CSNK1D: variants seen among roughly 807,000 people sequenced by gnomAD.
CSNK1D encodes the protein casein kinase 1 delta.
A neutral mutation model predicts 46.6 loss-of-function variants in CSNK1D; 16 were observed. That is an observed-to-expected ratio of 0.34 (90% CI 0.23 to 0.52). The LOEUF is 0.52. CSNK1D is among the 20% of genes least tolerant of loss of function. The pLI is 0.95. For missense variants in CSNK1D, 398 were observed against 578.4 expected, an observed-to-expected ratio of 0.69 and a Z score of 3.20; for synonymous variants, 276 against 228.2, an observed-to-expected ratio of 1.21 and a Z score of -1.89.
chr17:82,241,756 G>A (rs989322146), downstream of CSNK1D, among the ~76,000 whole-genome samples: 7 of 152,240 alleles, frequency 4.6e-5, no homozygotes, highest in Non-Finnish European at 8.8e-5. Context: ...GATGCCCAGG[G>A]CACAGCCAGA....
chr17:82,269,061 C>G (rs1249419429), intron 1 of CSNK1D, among the ~76,000 whole-genome samples: 1 of 147,766 alleles, frequency 6.8e-6, no homozygotes, highest in Non-Finnish European at 1.5e-5. Flanking sequence ...CGCGCCACTG[C>G]ACCCCAGCCT....
intron 1 of CSNK1D, among the ~76,000 whole-genome samples, chr17:82,271,723 C>T (rs748152805): frequency 1.3e-4 from 20 of 152,234 alleles, no homozygotes; most frequent in Admixed American, 7.8e-4. Context: ...TTCGTCCTAA[C>T]GCTGTCAGCC....
At chr17:82,245,237 G>C (rs958212112) in intron 8 of CSNK1D, 1 of 351,196 alleles carries the variant, frequency 2.8e-6, no homozygotes, top group Non-Finnish European at 5.5e-6. Context: ...AAACTGCAGC[G>C]GGTCTCCCAG....
Position 82,248,754 on chromosome 17 carries a change from T to G in CSNK1D, c.1197+121A>C. The G allele has an allele frequency of 2.6e-6, 4 of 1,518,156 alleles. No homozygotes were observed. Among genetic ancestry groups the G allele is most frequent in the Non-Finnish European group, 3.5e-6 (4 of 1,135,536 alleles). 94.0% of individuals were successfully genotyped at this position (1,518,156 alleles called of 1,614,324 possible). A position where few individuals can be genotyped will look rare whatever the true frequency, so the allele number is the denominator to read the frequency against. On this transcript the variant is annotated intron_variant, in intron 8 of 8. Transcript: ENST00000314028. The surrounding 1 kb of genome is among the most constrained non-coding windows in gnomAD (Gnocchi z 4.1). ...CCAAGACGCCACACCCTGGCGAGAT[T>G]AAAAACTCTCAAAAATGGGGGGAAG... is the stretch of plus-strand genomic sequence containing the variant.
At position 82,273,293 on chromosome 17, in the gene CSNK1D, G is replaced by C. The variant is rs961731104; in HGVS notation, c.76+13C>G. ...GGGTCTTCGGGCGGCGGGCGGGGGCGGCGGGGCCTCACCGAGATAGATGTC... is the reference window on the plus strand; with the variant it reads ...GGGTCTTCGGGCGGCGGGCGGGGGCCGCGGGGCCTCACCGAGATAGATGTC... On this transcript the variant is annotated intron_variant, in intron 1 of 8. Coordinates refer to ENST00000314028, the MANE Select transcript of CSNK1D (RefSeq NM_001893.6). This position sits in a 1 kb window ranked among gnomAD's most constrained non-coding sequence, Gnocchi z 5.1. 2.5e-6 allele frequency: 4 copies of C among 1,599,630 alleles called. No homozygotes were observed. In the Admixed American group the frequency reaches 5.0e-5, roughly 20 times the overall value.
rs1043634371 is a variant in CSNK1D at position 82,246,812 on chromosome 17, G to A, written c.1198-1981C>T. ...AGGAGCAGAAAGAACAGGGAAGAGC[G>A]ACGGCCCGAGGAGGAAGACTGGCCG... On this transcript the variant is annotated intron_variant, in intron 8 of 8. Coordinates refer to ENST00000314028, the MANE Select transcript of CSNK1D (RefSeq NM_001893.6). The A allele has an allele frequency of 5.4e-5, 53 of 986,738 alleles. No individual in the cohort carries two copies. In the African/African-American group the frequency reaches 7.7e-4, roughly 14 times the overall value. The allele number at this position is 986,738 out of a possible 1,614,324, so 61.1% of individuals were successfully genotyped here. A position where few individuals can be genotyped will look rare whatever the true frequency, so the allele number is the denominator to read the frequency against.
Position 82,273,476 on chromosome 17 carries a change from G to C in CSNK1D, c.-95C>G. 6.9e-7 allele frequency: 1 copy of C among 1,459,396 alleles called. No individual in the cohort carries two copies. Among genetic ancestry groups the C allele is most frequent in the Non-Finnish European group, 9.4e-7 (1 of 1,067,340 alleles). 90.4% of individuals were successfully genotyped at this position (1,459,396 alleles called of 1,614,324 possible). Reference sequence around the variant, plus strand: ...CGCTGCTGCCGCTACTGCGGGTCCGGCTCCCGGCTCCGCCCCCCTCACGGC... The same window carrying C: ...CGCTGCTGCCGCTACTGCGGGTCCGCCTCCCGGCTCCGCCCCCCTCACGGC... On this transcript the variant is annotated 5_prime_UTR_variant, in exon 1 of 9. Coordinates refer to ENST00000314028, the MANE Select transcript of CSNK1D (RefSeq NM_001893.6). This position sits in a 1 kb window ranked among gnomAD's most constrained non-coding sequence, Gnocchi z 5.1.
Position 82,249,885 on chromosome 17 carries a change from C to T in CSNK1D, c.886-283G>A. The T allele has an allele frequency of 1.4e-6, 2 of 1,388,316 alleles. No homozygotes were observed. Among genetic ancestry groups the T allele is most frequent in the Non-Finnish European group, 1.9e-6 (2 of 1,069,762 alleles). 86.0% of individuals were successfully genotyped at this position (1,388,316 alleles called of 1,614,324 possible). A position where few individuals can be genotyped will look rare whatever the true frequency, so the allele number is the denominator to read the frequency against. ...GAACTTCCTTAAACTTCCAAATGGG[C>T]AGCAGCTACCCCCTGCTGCTCTGTG... On this transcript the variant is annotated intron_variant, in intron 6 of 8. Coordinates refer to ENST00000314028, the MANE Select transcript of CSNK1D (RefSeq NM_001893.6). This position sits in a 1 kb window ranked among gnomAD's most constrained non-coding sequence, Gnocchi z 6.7.
rs2147170553 is a variant in CSNK1D at position 82,251,634 on chromosome 17, A to C, written c.737-107T>G. On this transcript the variant is annotated intron_variant, in intron 5 of 8. Coordinates refer to ENST00000314028, the MANE Select transcript of CSNK1D (RefSeq NM_001893.6). The surrounding 1 kb of genome is among the most constrained non-coding windows in gnomAD (Gnocchi z 4.5). ...CTGCTGCTGCACACTCAAGGGGAGA[A>C]GGACAGATGCAAAACACCTGTCAGA... 2.7e-6 allele frequency: 3 copies of C among 1,127,120 alleles called. No individual in the cohort carries two copies. Among genetic ancestry groups the C allele is most frequent in the South Asian group, 2.6e-5 (2 of 76,694 alleles). The allele number at this position is 1,127,120 out of a possible 1,614,324, so 69.8% of individuals were successfully genotyped here. A position where few individuals can be genotyped will look rare whatever the true frequency, so the allele number is the denominator to read the frequency against.
rs2050914196 is a variant in CSNK1D, at chr17:82,248,709, C to A, written c.1197+166G>T. On this transcript the variant is annotated intron_variant, in intron 8 of 8. Coordinates refer to ENST00000314028, the MANE Select transcript of CSNK1D (RefSeq NM_001893.6). The surrounding 1 kb of genome is among the most constrained non-coding windows in gnomAD (Gnocchi z 4.1). ...GGCCCAGCATGTCTCCCAGGCCCTC[C>A]CGAGAAGCCTCATCTGCAACCAAGA... is the stretch of plus-strand genomic sequence containing the variant. The A allele has an allele frequency of 6.9e-7, 1 of 1,453,590 alleles. No individual in the cohort carries two copies. The highest frequency in any genetic ancestry group is 1.4e-5 in the African/African-American group (1 of 70,502). 90.0% of individuals were successfully genotyped at this position (1,453,590 alleles called of 1,614,324 possible).
chr17:82,249,763 T>C lies in CSNK1D; in HGVS notation c.886-161A>G, dbSNP rs2050952632. 3.4e-6 allele frequency: 5 copies of C among 1,479,054 alleles called. No individual in the cohort carries two copies. In the Admixed American group the frequency reaches 1.1e-4, roughly 32 times the overall value. The allele number at this position is 1,479,054 out of a possible 1,614,324, so 91.6% of individuals were successfully genotyped here. A position where few individuals can be genotyped will look rare whatever the true frequency, so the allele number is the denominator to read the frequency against. On this transcript the variant is annotated intron_variant, in intron 6 of 8. Coordinates refer to ENST00000314028, the MANE Select transcript of CSNK1D (RefSeq NM_001893.6). This position sits in a 1 kb window ranked among gnomAD's most constrained non-coding sequence, Gnocchi z 6.7. ...AGGCTGCACGTTTCTCCTCATGGGA[T>C]GACAGCATCATCCCCACAAGGGGTC...
chr17:82,261,062 C>CA (rs1362903296), intron 2 of CSNK1D: 6 of 154,848 alleles, frequency 3.9e-5, no homozygotes, highest in Admixed American at 2.0e-4. Context: ...CCCTACCCCC[C>CA]AAATGTCTCA....
rs369956232 is a variant in CSNK1D, at chr17:82,258,199, C to T, written c.188-2622G>A. On this transcript the variant is annotated intron_variant, in intron 2 of 8. Transcript: ENST00000314028. ...TCCAGCCTGGGTGACAGAATGAGACCGTCTCAAAAAAAAAAAAAAAAAAAG... is the reference window on the plus strand; with the variant it reads ...TCCAGCCTGGGTGACAGAATGAGACTGTCTCAAAAAAAAAAAAAAAAAAAG... Among the ~76,000 whole-genome samples the T allele has an allele frequency of 3.8e-3, 501 of 131,108 alleles. 3 individuals are homozygous for T. The highest frequency in any genetic ancestry group is 0.013 in the African/African-American group (468 of 34,758). The allele number at this position is 131,108 out of a possible 152,430, so 86.0% of individuals were successfully genotyped here.
rs556428483 is a variant in CSNK1D, at chr17:82,242,976, G to A, written c.*1805C>T. On this transcript the variant is annotated 3_prime_UTR_variant, in exon 9 of 9. Coordinates refer to ENST00000314028, the MANE Select transcript of CSNK1D (RefSeq NM_001893.6). ...AGCTTGCGCCACTTCAGGCCACAGC[G>A]CGACGTCTCTCCGGGTGGGGGACGT... is the stretch of plus-strand genomic sequence containing the variant. 30 of 985,456 alleles carry A rather than the reference G, an allele frequency of 3.0e-5. No individual in the cohort carries two copies. The highest frequency in any genetic ancestry group is 5.2e-4 in the Middle Eastern group (1 of 1,914). 61.0% of individuals were successfully genotyped at this position (985,456 alleles called of 1,614,324 possible).
rs1011487831 is a variant in CSNK1D, at chr17:82,255,474, G to A, written c.291C>T (p.Ser97=). 2.5e-6 allele frequency: 4 copies of A among 1,614,062 alleles called. No homozygotes were observed. Among genetic ancestry groups the A allele is most frequent in the African/African-American group, 2.7e-5 (2 of 74,924 alleles). ...PSLEDLFNFC[S]RKFSLKTVLL... is the part of the protein sequence containing the mutation. ...GGACGGTTTTGAGGCTGAATTTCCT[G>A]GAGCAGAAGTTGAAGAGGTCCTCCA... is the stretch of plus-strand genomic sequence containing the variant. Residue 97 remains serine, a synonymous_variant, in exon 3 of 9, where the codon TCC becomes TCT. Transcript: ENST00000314028. This position sits in a 1 kb window ranked among gnomAD's most constrained non-coding sequence, Gnocchi z 5.9.
intron 2 of CSNK1D, among the ~76,000 whole-genome samples, chr17:82,260,096 T>G (rs2051288181): frequency 6.8e-6 from 1 of 147,482 alleles, no homozygotes; most frequent in Admixed American, 6.8e-5. Flanking sequence ...TACTGACTGA[T>G]ATGACTGATG....
In CSNK1D at chr17:82,248,867, G is replaced by A. The variant is rs113750144; in HGVS notation, c.1197+8C>T. 26 of 1,608,242 alleles carry A rather than the reference G, an allele frequency of 1.6e-5. No homozygotes were observed. The African/African-American group carries it at 1.7e-4, about 11-fold the overall frequency. ...GGCCCAGCGCCCGCCCGGGAGCTCT[G>A]CACCTACCTGTGAGGTGGACATGCG... is the stretch of plus-strand genomic sequence containing the variant. On this transcript the variant is annotated splice_region_variant and intron_variant, in intron 8 of 8. Coordinates refer to ENST00000314028, the MANE Select transcript of CSNK1D (RefSeq NM_001893.6). This position sits in a 1 kb window ranked among gnomAD's most constrained non-coding sequence, Gnocchi z 4.1.
chr17:82,240,651 C>T (rs1387955774), downstream of CSNK1D, among the ~76,000 whole-genome samples: 1 of 152,212 alleles, frequency 6.6e-6, no homozygotes, highest in East Asian at 1.9e-4. Context: ...ACTCTGGTCC[C>T]CACACCCACA....
At chr17:82,239,187 G>C, downstream of CSNK1D, 1 of 476,022 alleles carries the variant, frequency 2.1e-6, no homozygotes, top group Non-Finnish European at 3.6e-6. Context: ...AAGCCAAGCC[G>C]CAAGGTTACA....
Sources: gnomAD v4.1 joint callset for allele counts (sites outside exome capture counted in the v4.1 genomes callset) on GRCh38, gnomAD v4.1.1 for gene constraint, Gnocchi (gnomAD v3.1) non-coding constraint, MANE v1.5 for transcripts, NCBI Gene and HGNC (gene_info 2026-07-23, HGNC 2026-07-21) for gene names.